ASIC2: variants seen among roughly 807,000 people sequenced by gnomAD.
The protein encoded by ASIC2 is acid-sensing ion channel 2.
In ASIC2, 25 loss-of-function variants were observed where a neutral mutation model predicts 57.3. The observed-to-expected ratio is 0.44, with a 90% CI of 0.32 to 0.61. ASIC2 has a LOEUF of 0.61. Among genes scored for constraint, ASIC2 ranks in the 20% least tolerant of loss-of-function variants. ASIC2 has a pLI of 0.06. For synonymous variants in ASIC2, 319 were observed against 307.5 expected, an observed-to-expected ratio of 1.04 and a Z score of -0.39; for missense variants, 641 against 738.1, an observed-to-expected ratio of 0.87 and a Z score of 1.52.
chr17:33,824,701 T>C (rs1176451744), intron 1 of ASIC2, among the ~76,000 whole-genome samples: 2 of 152,162 alleles, frequency 1.3e-5, no homozygotes, highest in Non-Finnish European at 2.9e-5. Context: ...TGTGCTATTC[T>C]TGTGATAGTG....
chr17:33,373,153 C>T (rs1289697337), intron 1 of ASIC2, among the ~76,000 whole-genome samples: 1 of 152,186 alleles, frequency 6.6e-6, no homozygotes, highest in Non-Finnish European at 1.5e-5. Context: ...TAATATGTCC[C>T]TGGATCCTAT....
intron 1 of ASIC2, among the ~76,000 whole-genome samples, chr17:34,032,689 C>CA (rs1251456591): frequency 1.3e-5 from 2 of 151,410 alleles, no homozygotes; most frequent in African/African-American, 2.4e-5. Context: ...AAATGGAAAA[C>CA]AAAAAAAGGC....
chr17:33,372,200 G>C (rs1383747768), intron 1 of ASIC2, among the ~76,000 whole-genome samples: 2 of 152,004 alleles, frequency 1.3e-5, no homozygotes, highest in South Asian at 4.1e-4. Flanking sequence ...GGCTCTCAGG[G>C]GGATCAGGGT....
intron 1 of ASIC2, among the ~76,000 whole-genome samples, chr17:34,063,221 A>G (rs1472545578): frequency 1.3e-5 from 2 of 152,238 alleles, no homozygotes; most frequent in Admixed American, 1.3e-4. Context: ...TAACATACAC[A>G]AGTCTATAAA....
chr17:33,561,039 C>T (rs753903554), intron 1 of ASIC2, among the ~76,000 whole-genome samples: 2 of 152,058 alleles, frequency 1.3e-5, no homozygotes, highest in Admixed American at 6.5e-5. Flanking sequence ...AGAGGTCAAG[C>T]CTTTCTGTTT....
chr17:33,223,371 G>A (rs890491852), intron 1 of ASIC2, among the ~76,000 whole-genome samples: 6 of 151,812 alleles, frequency 4.0e-5, no homozygotes, highest in Non-Finnish European at 7.4e-5. Context: ...TAGTAGGGAC[G>A]GGGGTTTCAC....
At chr17:33,662,624 A>AAAATAAAT (rs71144895) in intron 1 of ASIC2, among the ~76,000 whole-genome samples, 133 of 85,772 alleles carry the variant, frequency 1.6e-3, no homozygotes, top group African/African-American at 3.6e-3. Flanking sequence ...CTCTGTCTCA[A>AAAATAAAT]AAATAAATAA....
intron 1 of ASIC2, among the ~76,000 whole-genome samples, chr17:33,691,984 A>G (rs1908386587): frequency 6.6e-6 from 1 of 152,176 alleles, no homozygotes; most frequent in Admixed American, 6.5e-5. Context: ...CACCTATGCT[A>G]TATGGTAAAG....
chr17:33,801,085 T>C (rs767188833), intron 1 of ASIC2, among the ~76,000 whole-genome samples: 7 of 152,170 alleles, frequency 4.6e-5, no homozygotes, highest in Non-Finnish European at 8.8e-5. Context: ...GGCTTTGAAG[T>C]CCACTTCGTC....
At chr17:34,047,356 C>A (rs1201280598) in intron 1 of ASIC2, among the ~76,000 whole-genome samples, 3 of 151,914 alleles carry the variant, frequency 2.0e-5, no homozygotes, top group Non-Finnish European at 2.9e-5. Context: ...TGACATTCAC[C>A]ATAAACCCTC....
At chr17:33,111,822 C>G in intron 2 of ASIC2, 95 bp downstream of exon 2, 1 of 1,489,642 alleles carries the variant, frequency 6.7e-7, no homozygotes, top group Non-Finnish European at 9.0e-7. Context: ...AGAGCAGTCC[C>G]TCACAGGGTG....
At chr17:33,605,359 G>A (rs1284474725) in intron 1 of ASIC2, among the ~76,000 whole-genome samples, 4 of 152,104 alleles carry the variant, frequency 2.6e-5, no homozygotes, top group African/African-American at 4.8e-5. Flanking sequence ...AACCCTCAGT[G>A]ATATGCAAAA....
At position 33,278,736 on chromosome 17, in the gene ASIC2, C is replaced by A. The variant is rs143302838; in HGVS notation, c.708+12672G>T. On this transcript the variant is annotated intron_variant, in intron 1 of 9. Coordinates refer to ENST00000225823, the MANE Select transcript of ASIC2 (RefSeq NM_183377.2). ...ACTCTTTATTGAATGAATGAATGAA[C>A]GAATGAATGAGTCCACATATATTTT... Among the ~76,000 whole-genome samples, 22 of 152,144 alleles carry A rather than the reference C, an allele frequency of 1.4e-4. No homozygotes were observed. The East Asian group carries it at 4.0e-3, about 28-fold the overall frequency.
At chr17:33,295,376 G>A (rs1291329551), upstream of ASIC2, among the ~76,000 whole-genome samples, 3 of 152,210 alleles carry the variant, frequency 2.0e-5, no homozygotes, top group Non-Finnish European at 4.4e-5. Context: ...TATGGCACAT[G>A]TATGCAGCAC....
At chr17:33,198,301 A>T (rs1441649190) in intron 1 of ASIC2, among the ~76,000 whole-genome samples, 1 of 152,332 alleles carries the variant, frequency 6.6e-6, no homozygotes, top group African/African-American at 2.4e-5. Flanking sequence ...GCAGGGAGCC[A>T]TGTTTGCACC....
intron 1 of ASIC2, among the ~76,000 whole-genome samples, chr17:33,401,803 C>A (rs1910295596): frequency 6.6e-6 from 1 of 152,084 alleles, no homozygotes; most frequent in African/African-American, 2.4e-5. Flanking sequence ...CAGGACTTGG[C>A]AGGCCTGGAA....
At chr17:33,724,455 A>G (rs2142085821) in intron 1 of ASIC2, among the ~76,000 whole-genome samples, 1 of 152,330 alleles carries the variant, frequency 6.6e-6, no homozygotes, top group East Asian at 1.9e-4. Context: ...CATTGGTGAG[A>G]TCCAAGTAGA....
At chr17:33,519,392 G>A (rs1178094210) in intron 1 of ASIC2, among the ~76,000 whole-genome samples, 2 of 152,098 alleles carry the variant, frequency 1.3e-5, no homozygotes, top group East Asian at 1.9e-4. Context: ...AGTTGGCCTC[G>A]GGCTTGTGGG....
rs369646998 is a variant in ASIC2, at chr17:34,031,050, G to A, written c.555+124928C>T. Among the ~76,000 whole-genome samples the A allele has an allele frequency of 5.9e-5, 9 of 152,334 alleles. No individual in the cohort carries two copies. In the East Asian group the frequency reaches 7.7e-4, roughly 13 times the overall value. ...AGCACACAGCTGGAGATCTGAGATCGGGCAGACTGCCTCCTCAAGTGGGTC... is the reference window on the plus strand; with the variant it reads ...AGCACACAGCTGGAGATCTGAGATCAGGCAGACTGCCTCCTCAAGTGGGTC... On this transcript the variant is annotated intron_variant, in intron 1 of 9. Transcript: ENST00000359872.
Sources: allele counts gnomAD v4.1 joint callset (sites outside exome capture counted in the v4.1 genomes callset), GRCh38; gene constraint gnomAD v4.1.1; transcripts MANE v1.5; gene names NCBI Gene and HGNC (gene_info 2026-07-23, HGNC 2026-07-21).